NELL1: variants seen among roughly 807,000 people sequenced by gnomAD.
The protein encoded by NELL1 is neural EGFL like 1.
Under a neutral mutation model 107.4 loss-of-function variants are expected in NELL1, and 76 were observed. The ratio of observed to expected loss-of-function variants is 0.71; its 90% CI spans 0.59 to 0.86. The LOEUF is 0.86. Among genes scored for constraint, NELL1 ranks in the 40% least tolerant of loss-of-function variants. The pLI is 0.00. For missense variants in NELL1, 1,024 were observed against 1,005.5 expected (o/e 1.02, Z -0.25); for synonymous variants, 353 against 341.2 (o/e 1.03, Z -0.38).
intron 5 of NELL1, among the ~76,000 whole-genome samples, chr11:20,892,678 C>T (rs913393722): frequency 6.6e-6 from 1 of 152,202 alleles, no homozygotes; most frequent in African/African-American, 2.4e-5. Flanking sequence ...CACCTGTAAT[C>T]CCAGCACTTT....
rs1172740407 is a variant in NELL1, at chr11:21,043,696, G to A, written c.1301-69893G>A. Among the ~76,000 whole-genome samples the A allele has an allele frequency of 9.9e-5, 15 of 152,152 alleles. 1 individual carries two copies. On this transcript the variant is annotated intron_variant, in intron 12 of 19. Coordinates refer to ENST00000357134, the MANE Select transcript of NELL1 (RefSeq NM_006157.5). ...CCAGGGAAGCTTCTCCAGTGAGAGA[G>A]GATGGAGATTGGGTGGTTGCTGTGA...
intron 12 of NELL1, among the ~76,000 whole-genome samples, chr11:21,015,460 G>C (rs1852543768): frequency 6.6e-6 from 1 of 152,088 alleles, no homozygotes; most frequent in African/African-American, 2.4e-5. Context: ...CTGTCCAGGT[G>C]GTGTTGGCCT....
At chr11:21,520,116 T>G (rs1051593055) in intron 15 of NELL1, among the ~76,000 whole-genome samples, 3 of 152,148 alleles carry the variant, frequency 2.0e-5, no homozygotes. Flanking sequence ...AGTAGCATGA[T>G]TTCTTCCGCC....
At chr11:21,025,648 A>G (rs1852798112) in intron 12 of NELL1, among the ~76,000 whole-genome samples, 2 of 152,154 alleles carry the variant, frequency 1.3e-5, no homozygotes, top group South Asian at 4.1e-4. Flanking sequence ...CTTTCTGTTT[A>G]TACTCACTCC....
chr11:21,521,713 A>G (rs1855730452), intron 15 of NELL1, among the ~76,000 whole-genome samples: 1 of 152,148 alleles, frequency 6.6e-6, no homozygotes, highest in South Asian at 2.1e-4. Context: ...GTTCTAATTT[A>G]CATTCCCATC....
chr11:20,720,619 C>T lies in NELL1; in HGVS notation c.184+42559C>T, dbSNP rs557892002. On this transcript the variant is annotated intron_variant, in intron 2 of 19. Transcript: ENST00000357134. ...CTTTCCATTTTTGGATGCTAGGAGT[C>T]CAAAATCAAGGTATTGGTGGAGTTG... is the stretch of plus-strand genomic sequence containing the variant. Among the ~76,000 whole-genome samples, 26 of 152,186 alleles carry T rather than the reference C, an allele frequency of 1.7e-4. 1 individual carries two copies. Among genetic ancestry groups the T allele is most frequent in the African/African-American group, 6.3e-4 (26 of 41,526 alleles).
In NELL1 at chr11:21,347,842, C is replaced by T. The variant is rs1382459891; in HGVS notation, c.1550-23011C>T. Reference sequence around the variant, plus strand: ...CTGGGAGCCAGTGGAAGGTAACCACCGGTGCCTTATATTGGCATTGGTAGT... The same window carrying T: ...CTGGGAGCCAGTGGAAGGTAACCACTGGTGCCTTATATTGGCATTGGTAGT... On this transcript the variant is annotated intron_variant, in intron 14 of 19. Transcript: ENST00000357134. Among the ~76,000 whole-genome samples the T allele has an allele frequency of 5.3e-5, 8 of 152,120 alleles. 1 individual carries two copies. The South Asian group carries it at 8.3e-4, about 16-fold the overall frequency.
intron 13 of NELL1, among the ~76,000 whole-genome samples, chr11:21,125,266 A>G (rs527361195): frequency 6.6e-6 from 1 of 152,264 alleles, no homozygotes; most frequent in Admixed American, 6.5e-5. Context: ...GAAAGCAACC[A>G]CTGAATGAGA....
At chr11:21,080,164 CTA>C (rs578085448) in intron 12 of NELL1, among the ~76,000 whole-genome samples, 6 of 151,672 alleles carry the variant, frequency 4.0e-5, no homozygotes, top group African/African-American at 1.2e-4. Context: ...AAGTATTTGT[CTA>C]TGTCTTATTT....
chr11:20,740,345 G>A lies in NELL1; in HGVS notation c.185-43335G>A, dbSNP rs1855862647. Among the ~76,000 whole-genome samples, 3 of 152,200 alleles carry A rather than the reference G, an allele frequency of 2.0e-5. No individual in the cohort carries two copies. In the South Asian group the frequency reaches 6.2e-4, roughly 32 times the overall value. On this transcript the variant is annotated intron_variant, in intron 2 of 19. Transcript: ENST00000357134. ...GATGAAGACAGACTGAGCAGTCCCTGCCATCTCTGGGAGCAGGAACCCCAT... is the reference window on the plus strand; with the variant it reads ...GATGAAGACAGACTGAGCAGTCCCTACCATCTCTGGGAGCAGGAACCCCAT...
At chr11:21,551,625 A>AGTC (rs1474827476) in intron 16 of NELL1, among the ~76,000 whole-genome samples, 1 of 151,734 alleles carries the variant, frequency 6.6e-6, no homozygotes, top group Non-Finnish European at 1.5e-5. Flanking sequence ...ATCATTAAAA[A>AGTC]GTCAGCAAAC....
At chr11:21,239,954 G>A (rs879409010) in intron 14 of NELL1, among the ~76,000 whole-genome samples, 10 of 151,992 alleles carry the variant, frequency 6.6e-5, no homozygotes, top group Non-Finnish European at 1.2e-4. Flanking sequence ...GAGTGTGGGA[G>A]GTCCAAGAAA....
chr11:21,349,545 C>A (rs1170952742), intron 14 of NELL1, among the ~76,000 whole-genome samples: 1 of 151,674 alleles, frequency 6.6e-6, no homozygotes, highest in Non-Finnish European at 1.5e-5. Context: ...TCTGAAATGC[C>A]TTTATTTTGA....
intron 12 of NELL1, among the ~76,000 whole-genome samples, chr11:21,003,937 T>C (rs1288262806): frequency 2.6e-5 from 4 of 152,212 alleles, no homozygotes; most frequent in African/African-American, 4.8e-5. Flanking sequence ...TTCTAGATAA[T>C]TGTGGAGTGA....
chr11:21,260,594 G>A (rs964847205), intron 14 of NELL1: 9 of 151,856 alleles, frequency 5.9e-5, no homozygotes, highest in African/African-American at 1.9e-4. Context: ...GTTCAGTGAA[G>A]AAGAGTGTTT....
chr11:21,423,801 C>G (rs1852753899), intron 15 of NELL1, among the ~76,000 whole-genome samples: 1 of 152,072 alleles, frequency 6.6e-6, no homozygotes, highest in Non-Finnish European at 1.5e-5. Context: ...AGGATGAAGT[C>G]AGAAATGAAT....
intron 15 of NELL1, among the ~76,000 whole-genome samples, chr11:21,454,431 T>G (rs1853670003): frequency 6.6e-6 from 1 of 152,196 alleles, no homozygotes; most frequent in Non-Finnish European, 1.5e-5. Flanking sequence ...TATAGGTTCT[T>G]TATAAAACAG....
At chr11:21,414,181 G>T (rs1852444838) in intron 15 of NELL1, among the ~76,000 whole-genome samples, 1 of 152,080 alleles carries the variant, frequency 6.6e-6, no homozygotes, top group East Asian at 1.9e-4. Context: ...TGCTGGGCCT[G>T]GTAAGAGGTC....
At chr11:21,241,150 C>T (rs530130806) in intron 14 of NELL1, among the ~76,000 whole-genome samples, 1 of 152,174 alleles carries the variant, frequency 6.6e-6, no homozygotes, top group East Asian at 1.9e-4. Context: ...TTTTCCTTTC[C>T]TTAGTAACAA....
Sources: allele counts gnomAD v4.1 joint callset (sites outside exome capture counted in the v4.1 genomes callset), GRCh38; gene constraint gnomAD v4.1.1; transcripts MANE v1.5; gene names NCBI Gene and HGNC (gene_info 2026-07-23, HGNC 2026-07-21).